FGF13: variants seen among roughly 807,000 people sequenced by gnomAD.
FGF13 encodes fibroblast growth factor homologous factor 2.
FGF13 carries 2 observed loss-of-function variants against 19.5 expected under a neutral mutation model. That is an observed-to-expected ratio of 0.10 (90% CI 0.04 to 0.32). The LOEUF (loss-of-function observed/expected upper bound fraction) is 0.32, where lower values mean the gene tolerates loss of function less well. Ranked by LOEUF, FGF13 falls within the 10% of genes least tolerant of loss-of-function variation. The pLI is 1.00. For synonymous variants in FGF13, 72 were observed against 76.9 expected (o/e 0.94, Z 0.33); for missense variants, 113 against 192.7 (o/e 0.59, Z 2.45).
intron 3 of FGF13, among the ~76,000 whole-genome samples, chrX:138,800,408 C>A (rs1280180470): frequency 8.9e-6 from 1 of 111,864 alleles, no homozygotes; most frequent in African/African-American, 3.3e-5. Flanking sequence ...GGACCCCACT[C>A]TCTTCTGGCT....
chrX:139,020,989 T>C (rs2092175685), intron 1 of FGF13, among the ~76,000 whole-genome samples: 1 of 111,232 alleles, frequency 9.0e-6, no homozygotes, highest in Non-Finnish European at 1.9e-5. Context: ...TATGATGAAA[T>C]GTTGGCAGTG....
chrX:138,866,208 G>A (rs1414071660), intron 1 of FGF13, among the ~76,000 whole-genome samples: 1 of 112,682 alleles, frequency 8.9e-6, no homozygotes, highest in African/African-American at 3.2e-5. Flanking sequence ...CCATGTTTGG[G>A]CCCCACCTCC....
chrX:138,763,131 A>T (rs917345384), intron 3 of FGF13, among the ~76,000 whole-genome samples: 2 of 110,997 alleles, frequency 1.8e-5, no homozygotes, highest in Non-Finnish European at 3.8e-5. Context: ...ATTATATCAT[A>T]TACACCAAGA....
chrX:138,735,954 G>T (rs1223754632), intron 1 of FGF13, among the ~76,000 whole-genome samples: 1 of 112,307 alleles, frequency 8.9e-6, no homozygotes, highest in East Asian at 2.8e-4. Context: ...CGTGGGATTT[G>T]ATTTACATAT....
At chrX:139,166,138 G>T (rs751639719) in intron 1 of FGF13, among the ~76,000 whole-genome samples, 1 of 111,372 alleles carries the variant, frequency 9.0e-6, no homozygotes, top group South Asian at 3.8e-4. Context: ...GATATGGTTT[G>T]GCTGTGTCCC....
At chrX:138,972,078 GTA>G (rs1556316124) in intron 1 of FGF13, among the ~76,000 whole-genome samples, 88 of 108,697 alleles carry the variant, frequency 8.1e-4, no homozygotes, top group Non-Finnish European at 1.3e-3. Context: ...GTGTGTGTGT[GTA>G]TATCACATTT....
intron 3 of FGF13, among the ~76,000 whole-genome samples, chrX:138,792,774 T>C (rs1401605881): frequency 9.0e-6 from 1 of 110,792 alleles, no homozygotes; most frequent in Non-Finnish European, 1.9e-5. Flanking sequence ...GTGGTCCAAT[T>C]TGGCCCTGTA....
At chrX:139,157,494 A>G (rs1279047611) in intron 1 of FGF13, among the ~76,000 whole-genome samples, 1 of 112,299 alleles carries the variant, frequency 8.9e-6, no homozygotes, top group East Asian at 2.8e-4. Context: ...TTGTTATAAA[A>G]GCAAGCTCTC....
intron 1 of FGF13, among the ~76,000 whole-genome samples, chrX:139,041,311 G>GT (rs977664280): frequency 8.1e-5 from 9 of 111,221 alleles, no homozygotes; most frequent in Non-Finnish European, 1.9e-5. Context: ...AAAGGATGTT[G>GT]TTTTTTTAAT....
intron 1 of FGF13, among the ~76,000 whole-genome samples, chrX:139,105,001 ATTTC>A (rs2083548846): frequency 9.5e-6 from 1 of 104,854 alleles, no homozygotes; most frequent in Admixed American, 1.0e-4. Flanking sequence ...ATAATTTTCC[ATTTC>A]TTTCAAGTTT....
At chrX:138,676,124 A>G (rs2089664013) in intron 3 of FGF13, among the ~76,000 whole-genome samples, 1 of 112,297 alleles carries the variant, frequency 8.9e-6, no homozygotes, top group Non-Finnish European at 1.9e-5. Context: ...AATGAATGGA[A>G]ACATTTTCAA....
chrX:138,931,552 T>C (rs2091701544), intron 1 of FGF13, among the ~76,000 whole-genome samples: 1 of 111,886 alleles, frequency 8.9e-6, no homozygotes, highest in Admixed American at 9.5e-5. Context: ...ATAGAACATG[T>C]CACATTATCT....
intron 3 of FGF13, among the ~76,000 whole-genome samples, chrX:138,756,998 G>A (rs1311617148): frequency 2.7e-5 from 3 of 111,655 alleles, no homozygotes; most frequent in Non-Finnish European, 5.6e-5. Context: ...TTTTCCTGAA[G>A]TGTAATGGTG....
At chrX:139,020,726 A>G (rs1309199005) in intron 1 of FGF13, among the ~76,000 whole-genome samples, 1 of 111,764 alleles carries the variant, frequency 8.9e-6, no homozygotes, top group African/African-American at 3.2e-5. Context: ...GTCAAGTCAC[A>G]TTCTTTAGTT....
chrX:139,073,719 C>G (rs1200265180), intron 1 of FGF13, among the ~76,000 whole-genome samples: 2 of 111,822 alleles, frequency 1.8e-5, no homozygotes, highest in African/African-American at 6.5e-5. Context: ...GGAACTGAAC[C>G]ATTTGAAAGA....
chrX:139,120,722 C>T (rs1045109079), intron 1 of FGF13, among the ~76,000 whole-genome samples: 1 of 112,606 alleles, frequency 8.9e-6, no homozygotes, highest in Non-Finnish European at 1.9e-5. Context: ...GAACTGACCT[C>T]AATTAGTTTG....
chrX:138,874,190 A>AC (rs1281116788), intron 1 of FGF13, among the ~76,000 whole-genome samples: 33 of 106,311 alleles, frequency 3.1e-4, no homozygotes, highest in Admixed American at 7.1e-4. Flanking sequence ...TAAAATTAAA[A>AC]AAAAAAAACC....
Position 139,158,286 on chromosome X carries a change from G to C in FGF13, c.-113+45130C>G, listed in dbSNP as rs1255793589. On this transcript the variant is annotated intron_variant, in intron 1 of 2. Coordinates refer to the FGF13 transcript ENST00000421460. ...ACCGTTCACTCCCCTGGAAAGGGGG[G>C]TGCAGCCAGGGAGCCAAGTGGTCTA... Among the ~76,000 whole-genome samples, 2 of 110,649 alleles carry C rather than the reference G, an allele frequency of 1.8e-5. 1 individual carries two copies. Among genetic ancestry groups the C allele is most frequent in the African/African-American group, 6.6e-5 (2 of 30,261 alleles).
chrX:138,724,453 C>T (rs746259047), intron 1 of FGF13, among the ~76,000 whole-genome samples: 4 of 111,599 alleles, frequency 3.6e-5, no homozygotes, highest in Non-Finnish European at 7.5e-5. Context: ...ATGTGAAACA[C>T]ACTAAGCAAG....
Sources: allele counts gnomAD v4.1 joint callset (sites outside exome capture counted in the v4.1 genomes callset), GRCh38; gene constraint gnomAD v4.1.1; transcripts MANE v1.5; gene names NCBI Gene and HGNC (gene_info 2026-07-23, HGNC 2026-07-21).